The following TMED7 variants were observed in gnomAD, a reference collection of about 807,000 sequenced individuals.
TMED7 encodes transmembrane emp24 domain-containing protein 7.
Under a neutral mutation model 23.4 loss-of-function variants are expected in TMED7, and 8 were observed. That is an observed-to-expected ratio of 0.34 (90% CI 0.20 to 0.62). TMED7 has a LOEUF of 0.62. TMED7 is among the 20% of genes least tolerant of loss of function. The pLI is 0.77. For missense variants in TMED7, 232 were observed against 279.1 expected, an observed-to-expected ratio of 0.83 and a Z score of 1.20; for synonymous variants, 121 against 108.5, an observed-to-expected ratio of 1.12 and a Z score of -0.72.
Position 115,615,759 on chromosome 5 carries a change from A to T in TMED7, c.*450T>A, listed in dbSNP as rs375592145. On this transcript the variant is annotated 3_prime_UTR_variant, in exon 3 of 3. Coordinates refer to ENST00000456936, the MANE Select transcript of TMED7 (RefSeq NM_181836.6). ...TCCTCCATAAAACTGAACAGTGCAG[A>T]ATAGGGCTTGGGCTACAGTTCATCA... The T allele has an allele frequency of 5.4e-6, 1 of 184,338 alleles. No individual in the cohort carries two copies. The highest frequency in any genetic ancestry group is 2.4e-5 in the African/African-American group (1 of 41,996). The allele number at this position is 184,338 out of a possible 1,614,324, so 11.4% of individuals were successfully genotyped here.
chr5:115,620,741 T>C (rs1288110850), intron 1 of TMED7, 61 bp from the exon 2 acceptor site: 1 of 1,328,352 alleles, frequency 7.5e-7, no homozygotes, highest in African/African-American at 1.5e-5. Flanking sequence ...TCAGATTTAA[T>C]CAGATTTCCT....
chr5:115,625,860 C>A lies in TMED7; in HGVS notation c.-68G>T. The A allele has an allele frequency of 7.5e-7, 1 of 1,337,056 alleles. No individual in the cohort carries two copies. The highest frequency in any genetic ancestry group is 9.5e-7 in the Non-Finnish European group (1 of 1,050,882). 82.8% of individuals were successfully genotyped at this position (1,337,056 alleles called of 1,614,324 possible). ...GGGTCAGGTCTGCGCGGACTCACCG[C>A]GCGCGGCAGGCCTCAGCGCAGGCCA... On this transcript the variant is annotated 5_prime_UTR_variant, in exon 1 of 3. Coordinates refer to ENST00000456936, the MANE Select transcript of TMED7 (RefSeq NM_181836.6).
rs948641105 is a variant in TMED7, at chr5:115,613,902, T to C, written c.*2307A>G. The C allele has an allele frequency of 2.0e-5, 3 of 152,570 alleles. No individual in the cohort carries two copies. Among genetic ancestry groups the C allele is most frequent in the African/African-American group, 4.8e-5 (2 of 41,460 alleles). The allele number at this position is 152,570 out of a possible 1,614,324, so 9.5% of individuals were successfully genotyped here. ...ACACAGTTGAAATTTTAGTATAAAC[T>C]TGTATATCAAGTTGCTTTCCATTAT... On this transcript the variant is annotated 3_prime_UTR_variant, in exon 3 of 3. Coordinates refer to ENST00000456936, the MANE Select transcript of TMED7 (RefSeq NM_181836.6).
chr5:115,625,733 C>A lies in TMED7; in HGVS notation c.60G>T (p.Arg20Ser). Residue 20 changes from arginine to serine, a missense_variant, in exon 1 of 3, where the codon AGG becomes AGT. Arg to Ser is a moderately radical substitution (Grantham distance 110). Coordinates refer to ENST00000456936, the MANE Select transcript of TMED7 (RefSeq NM_181836.6). ...WAAVAGRWGC[R>S]LLALLLLVPG... ...GCACCAGTAGCAGCAGTGCGAGCAG[C>A]CTGCACCCCCAACGGCCCGCGACGG... The A allele has an allele frequency of 6.3e-7, 1 of 1,576,320 alleles. No individual in the cohort carries two copies. Among genetic ancestry groups the A allele is most frequent in the Non-Finnish European group, 8.6e-7 (1 of 1,163,924 alleles).
rs779650439 is a variant in TMED7, at chr5:115,620,684, TA to T, written c.193-5del. The T allele has an allele frequency of 5.0e-6, 7 of 1,399,870 alleles. No homozygotes were observed. The highest frequency in any genetic ancestry group is 5.6e-6 in the Non-Finnish European group (6 of 1,070,236). The allele number at this position is 1,399,870 out of a possible 1,614,324, so 86.7% of individuals were successfully genotyped here. A position where few individuals can be genotyped will look rare whatever the true frequency, so the allele number is the denominator to read the frequency against. On this transcript the variant is annotated splice_polypyrimidine_tract_variant and splice_region_variant and intron_variant, in intron 1 of 2. Coordinates refer to ENST00000456936, the MANE Select transcript of TMED7 (RefSeq NM_181836.6). The stretch of plus-strand genomic sequence containing the variant: ...CATAGTGACCACCAGTAATCACCTG[TA>T]AGAGATTAAAAAAGAAAAATCACTG...
intron 2 of TMED7, among the ~76,000 whole-genome samples, chr5:115,619,684 T>C (rs973705285): frequency 2.6e-5 from 4 of 152,142 alleles, no homozygotes; most frequent in African/African-American, 9.7e-5. Context: ...GGCAACTGTA[T>C]ATGATATTTT....
intron 1 of TMED7, among the ~76,000 whole-genome samples, chr5:115,621,776 A>G (rs1757037715): frequency 6.6e-6 from 1 of 152,152 alleles, no homozygotes; most frequent in Non-Finnish European, 1.5e-5. Flanking sequence ...ACGTATACAC[A>G]TTGGGTTGAA....
intron 2 of TMED7, 168 bp downstream of exon 2, chr5:115,620,267 A>T (rs1756979339): frequency 1.1e-6 from 1 of 942,392 alleles, no homozygotes; most frequent in Non-Finnish European, 1.4e-6. Flanking sequence ...ATTTTTCACT[A>T]CAAAAGTCTG....
rs756616313 is a variant in TMED7 at position 115,625,832 on chromosome 5, G to A, written c.-40C>T. 4.3e-6 allele frequency: 6 copies of A among 1,381,048 alleles called. No homozygotes were observed. Among genetic ancestry groups the A allele is most frequent in the Admixed American group, 3.9e-5 (1 of 25,432 alleles). The allele number at this position is 1,381,048 out of a possible 1,614,324, so 85.5% of individuals were successfully genotyped here. A position where few individuals can be genotyped will look rare whatever the true frequency, so the allele number is the denominator to read the frequency against. On this transcript the variant is annotated 5_prime_UTR_variant, in exon 1 of 3. Transcript: ENST00000456936. ...GGCGGCCTCAACCGAGCTGCGAGAC[G>A]CAGGGTCAGGTCTGCGCGGACTCAC... is the stretch of plus-strand genomic sequence containing the variant.
At chr5:115,617,155 T>G (rs1756800614) in intron 2 of TMED7, among the ~76,000 whole-genome samples, 1 of 152,234 alleles carries the variant, frequency 6.6e-6, no homozygotes, top group Admixed American at 6.5e-5. Context: ...TATACATTTA[T>G]TATACCATCT....
At position 115,620,157 on chromosome 5, in the gene TMED7, A is replaced by G. The variant is rs183420760; in HGVS notation, c.438+278T>C. 981 of 269,186 alleles carry G rather than the reference A, an allele frequency of 3.6e-3. 12 individuals carry two copies. The highest frequency in any genetic ancestry group is 0.019 in the Middle Eastern group (16 of 852). The allele number at this position is 269,186 out of a possible 1,614,324, so 16.7% of individuals were successfully genotyped here. ...ATTGGAACACTGCTCAGCCTTCCCA[A>G]CCTTCTTTTACCACTGATGTTTCTA... is the stretch of plus-strand genomic sequence containing the variant. On this transcript the variant is annotated intron_variant, in intron 2 of 2. Transcript: ENST00000456936.
intron 2 of TMED7, chr5:115,620,220 T>C (rs1404313031): frequency 7.1e-5 from 39 of 553,100 alleles, no homozygotes; most frequent in Non-Finnish European, 4.7e-5. Context: ...TGCTTCTTTC[T>C]CTTTACAATT....
chr5:115,623,624 C>T (rs899447007), intron 1 of TMED7, among the ~76,000 whole-genome samples: 1 of 152,176 alleles, frequency 6.6e-6, no homozygotes, highest in African/African-American at 2.4e-5. Context: ...CAATATAGCT[C>T]AGGCTAATTT....
Position 115,620,692 on chromosome 5 carries a change from TA to T in TMED7, c.193-13del. ...CCACCAGTAATCACCTGTAAGAGAT[TA>T]AAAAAGAAAAATCACTGTGAAAAGT... On this transcript the variant is annotated splice_polypyrimidine_tract_variant and intron_variant, in intron 1 of 2. Transcript: ENST00000456936. The T allele has an allele frequency of 7.2e-7, 1 of 1,379,314 alleles. No homozygotes were observed. The highest frequency in any genetic ancestry group is 9.4e-7 in the Non-Finnish European group (1 of 1,058,756). The allele number at this position is 1,379,314 out of a possible 1,614,324, so 85.4% of individuals were successfully genotyped here.
intron 2 of TMED7, among the ~76,000 whole-genome samples, chr5:115,619,400 T>A (rs999382554): frequency 1.3e-5 from 2 of 152,168 alleles, no homozygotes; most frequent in African/African-American, 2.4e-5. Flanking sequence ...AAATAGAACC[T>A]GGGAACACTA....
Position 115,620,137 on chromosome 5 carries a change from A to G in TMED7, c.438+298T>C, listed in dbSNP as rs1339270839. 5.3e-5 allele frequency: 12 copies of G among 224,522 alleles called. No homozygotes were observed. The East Asian group carries it at 1.1e-3, about 21-fold the overall frequency. 13.9% of individuals were successfully genotyped at this position (224,522 alleles called of 1,614,324 possible). A position where few individuals can be genotyped will look rare whatever the true frequency, so the allele number is the denominator to read the frequency against. On this transcript the variant is annotated intron_variant, in intron 2 of 2. Coordinates refer to ENST00000456936, the MANE Select transcript of TMED7 (RefSeq NM_181836.6). The stretch of plus-strand genomic sequence containing the variant: ...TAAAGAAAATGCTTCAGAAGATTGG[A>G]ACACTGCTCAGCCTTCCCAACCTTC...
chr5:115,617,209 T>C (rs1756803335), intron 2 of TMED7, among the ~76,000 whole-genome samples: 1 of 152,180 alleles, frequency 6.6e-6, no homozygotes, highest in Non-Finnish European at 1.5e-5. Context: ...TATACCATGG[T>C]TTAATATTTT....
Position 115,626,029 on chromosome 5 carries a change from T to A in TMED7, c.-237A>T, listed in dbSNP as rs1580461493. ...GGAAAAGGCCTGAGAGGGTCGGAAG[T>A]GGGGATTAGCCTTTCGGGGGGTGAA... On this transcript the variant is annotated 5_prime_UTR_variant, in exon 1 of 3. Transcript: ENST00000456936. 3 of 437,298 alleles carry A rather than the reference T, an allele frequency of 6.9e-6. No homozygotes were observed. In the East Asian group the frequency reaches 1.2e-4, roughly 17 times the overall value. 27.1% of individuals were successfully genotyped at this position (437,298 alleles called of 1,614,324 possible). A position where few individuals can be genotyped will look rare whatever the true frequency, so the allele number is the denominator to read the frequency against.
intron 1 of TMED7, among the ~76,000 whole-genome samples, chr5:115,624,154 A>C (rs1209536821): frequency 6.6e-6 from 1 of 152,204 alleles, no homozygotes; most frequent in Non-Finnish European, 1.5e-5. Flanking sequence ...ACAAAAATCC[A>C]GGAAATGTTT....
Sources: allele counts gnomAD v4.1 joint callset (sites outside exome capture counted in the v4.1 genomes callset), GRCh38; gene constraint gnomAD v4.1.1; transcripts MANE v1.5; gene names NCBI Gene and HGNC (gene_info 2026-07-23, HGNC 2026-07-21).